RAB1A: variants seen among roughly 807,000 people sequenced by gnomAD.
RAB1A encodes RAB1A, member RAS oncogene family, also known as ras-related protein Rab-1A.
A neutral mutation model predicts 26.0 loss-of-function variants in RAB1A; 2 were observed. The ratio of observed to expected loss-of-function variants is 0.08; its 90% CI spans 0.03 to 0.24. The LOEUF is 0.24. Ranked by LOEUF, RAB1A falls within the 10% of genes least tolerant of loss-of-function variation. RAB1A has a pLI of 1.00. For missense variants in RAB1A, 100 were observed against 247.0 expected, an observed-to-expected ratio of 0.40 and a Z score of 3.99; for synonymous variants, 84 against 84.9, an observed-to-expected ratio of 0.99 and a Z score of 0.06.
intron 1 of RAB1A, among the ~76,000 whole-genome samples, chr2:65,119,074 G>T (rs1669890152): frequency 6.6e-6 from 1 of 152,050 alleles, no homozygotes; most frequent in Non-Finnish European, 1.5e-5. Context: ...AGGCATGGGT[G>T]TGTGTCTATA....
chr2:65,125,386 T>C (rs901895409), intron 1 of RAB1A, among the ~76,000 whole-genome samples: 1 of 151,480 alleles, frequency 6.6e-6, no homozygotes, highest in Non-Finnish European at 1.5e-5. Flanking sequence ...AAAAATGTTA[T>C]GAGAATAATC....
intron 4 of RAB1A, among the ~76,000 whole-genome samples, chr2:65,089,995 G>A (rs568686056): frequency 3.3e-5 from 5 of 152,310 alleles, no homozygotes; most frequent in East Asian, 1.9e-4. Flanking sequence ...GAGCCACTGC[G>A]CCTGGCCTGA....
intron 2 of RAB1A, among the ~76,000 whole-genome samples, chr2:65,104,200 G>A (rs1424851166): frequency 6.6e-6 from 1 of 152,050 alleles, no homozygotes; most frequent in Non-Finnish European, 1.5e-5. Flanking sequence ...GGCCAACGAA[G>A]TTTGTCCAAG....
At chr2:65,103,310 A>AAAAAAAAAAAAAAAAC in intron 2 of RAB1A, among the ~76,000 whole-genome samples, 1 of 151,494 alleles carries the variant, frequency 6.6e-6, no homozygotes, top group East Asian at 2.0e-4. Context: ...AAAAAAAAAA[A>AAAAAAAAAAAAAAAAC]AAAACATTGT....
chr2:65,091,198 A>G, intron 3 of RAB1A, 120 bp from the exon 4 acceptor site: 4 of 711,404 alleles, frequency 5.6e-6, no homozygotes, highest in African/African-American at 1.8e-5. Context: ...GATGTGATAT[A>G]GAAACATTAG....
intron 1 of RAB1A, among the ~76,000 whole-genome samples, chr2:65,107,476 T>C (rs1173305406): frequency 6.6e-6 from 1 of 151,572 alleles, no homozygotes; most frequent in Non-Finnish European, 1.5e-5. Context: ...CCATAGTAGG[T>C]TGGTTTTTTG....
chr2:65,125,864 C>CTTTTTTTT (rs55930968), intron 1 of RAB1A, among the ~76,000 whole-genome samples: 1 of 74,728 alleles, frequency 1.3e-5, no homozygotes, highest in African/African-American at 5.4e-5. Flanking sequence ...TTTCAATTGC[C>CTTTTTTTT]TTTTTTTTTT....
Position 65,088,577 on chromosome 2 carries a change from G to A in RAB1A, c.534C>T (p.Pro178=), listed in dbSNP as rs2227268. 0.017 allele frequency: 27,641 copies of A among 1,613,538 alleles called. 1,726 individuals are homozygous for A. The East Asian group carries it at 0.23, about 14-fold the overall frequency. The change falls in exon 6 of 6, where the codon CCC becomes CCT. Residue 178 remains proline (P), a synonymous_variant. Coordinates refer to ENST00000409784, the MANE Select transcript of RAB1A (RefSeq NM_004161.5). ...MAAEIKKRMG[P]GATAGGAEKS... is the part of the protein sequence containing the mutation. ...TCTCAGCACCACCAGCTGTTGCTCC[G>A]GGACCCATTCGCTTTTTAATCTCAG...
intron 1 of RAB1A, among the ~76,000 whole-genome samples, chr2:65,126,947 CACTG>C (rs1252307484): frequency 2.6e-5 from 4 of 152,198 alleles, no homozygotes; most frequent in Non-Finnish European, 5.9e-5. Flanking sequence ...TCTGATTGCT[CACTG>C]CCCTTGTGAC....
At chr2:65,114,015 A>G (rs945116708) in intron 1 of RAB1A, 5 of 259,548 alleles carry the variant, frequency 1.9e-5, no homozygotes, top group Non-Finnish European at 3.2e-5. Flanking sequence ...TATGTTCAGC[A>G]TATGTCAGCA....
intron 2 of RAB1A, among the ~76,000 whole-genome samples, chr2:65,101,435 T>C (rs1257975292): frequency 6.6e-5 from 10 of 152,130 alleles, no homozygotes; most frequent in Admixed American, 6.5e-4. Flanking sequence ...GTCCTCACGA[T>C]TGTCTCTATT....
In RAB1A at chr2:65,098,142, C is replaced by A. The variant is rs187704971; in HGVS notation, c.97-76G>T. On this transcript the variant is annotated intron_variant, in intron 2 of 5. Coordinates refer to ENST00000409784, the MANE Select transcript of RAB1A (RefSeq NM_004161.5). ...GCAAGTCTAAGTGGAAAAAAAAAAA[C>A]TGTTGTTCAAGAGTAAATAAAAAAA... The A allele has an allele frequency of 1.4e-5, 11 of 796,246 alleles. No homozygotes were observed. In the East Asian group the frequency reaches 1.9e-4, roughly 14 times the overall value. 49.3% of individuals were successfully genotyped at this position (796,246 alleles called of 1,614,324 possible).
intron 1 of RAB1A, among the ~76,000 whole-genome samples, chr2:65,127,341 A>T (rs1212940596): frequency 6.6e-6 from 1 of 152,178 alleles, no homozygotes; most frequent in Non-Finnish European, 1.5e-5. Context: ...CAAAACCCAG[A>T]TAGCCAACCA....
At chr2:65,089,233 G>A (rs1272223784) in intron 4 of RAB1A, among the ~76,000 whole-genome samples, 163 bp from the exon 5 acceptor site, 4 of 151,562 alleles carry the variant, frequency 2.6e-5, no homozygotes, top group Non-Finnish European at 5.9e-5. Context: ...TTTTTTTTGA[G>A]ACAGGGTCTT....
At chr2:65,093,300 G>A (rs1390564922) in intron 3 of RAB1A, among the ~76,000 whole-genome samples, 5 of 152,090 alleles carry the variant, frequency 3.3e-5, no homozygotes, top group Admixed American at 3.3e-4. Flanking sequence ...AATGGACTAT[G>A]TTTTATTCAT....
intron 1 of RAB1A, among the ~76,000 whole-genome samples, chr2:65,125,705 C>A (rs1253347259): frequency 1.3e-5 from 2 of 151,552 alleles, no homozygotes; most frequent in East Asian, 3.9e-4. Flanking sequence ...TGAGCCACTG[C>A]GCCTGGCCAT....
chr2:65,125,011 C>T (rs1670064013), intron 1 of RAB1A, among the ~76,000 whole-genome samples: 1 of 145,664 alleles, frequency 6.9e-6, no homozygotes, highest in South Asian at 2.1e-4. Flanking sequence ...CTTTCAAACA[C>T]TTAAGTTTTG....
intron 1 of RAB1A, chr2:65,105,035 C>CA: frequency 1.6e-6 from 1 of 614,758 alleles, no homozygotes. Context: ...TGATCTCTAA[C>CA]ATCAGTGAAC....
chr2:65,124,739 G>A (rs1186012162), intron 1 of RAB1A, among the ~76,000 whole-genome samples: 2 of 152,144 alleles, frequency 1.3e-5, no homozygotes, highest in Non-Finnish European at 2.9e-5. Flanking sequence ...GAGCCACTGT[G>A]CCAGGCCTCA....
Sources: allele counts gnomAD v4.1 joint callset (sites outside exome capture counted in the v4.1 genomes callset), GRCh38; gene constraint gnomAD v4.1.1; transcripts MANE v1.5; gene names NCBI Gene and HGNC (gene_info 2026-07-23, HGNC 2026-07-21).